The following ANKRA2 variants were observed in gnomAD, a reference collection of about 807,000 sequenced individuals.
The protein encoded by ANKRA2 is ankyrin repeat family A protein 2.
A neutral mutation model predicts 37.8 loss-of-function variants in ANKRA2; 33 were observed. That is an observed-to-expected ratio of 0.87 (90% CI 0.66 to 1.17). The LOEUF (loss-of-function observed/expected upper bound fraction) is 1.17, where lower values mean the gene tolerates loss of function less well. Among genes scored for constraint, ANKRA2 ranks in the 50% most tolerant of loss-of-function variants. The pLI is 0.00. For missense variants in ANKRA2, 326 were observed against 373.7 expected (o/e 0.87, Z 1.05); for synonymous variants, 126 against 132.3 (o/e 0.95, Z 0.33).
intron 6 of ANKRA2, 115 bp downstream of exon 6, chr5:73,554,746 G>A: frequency 7.9e-7 from 1 of 1,273,774 alleles, no homozygotes; most frequent in South Asian, 1.4e-5. Flanking sequence ...GACTACAGGT[G>A]TACACCACGA....
At chr5:73,563,203 T>G (rs1173213788) in intron 1 of ANKRA2, among the ~76,000 whole-genome samples, 1 of 152,220 alleles carries the variant, frequency 6.6e-6, no homozygotes, top group Non-Finnish European at 1.5e-5. Context: ...CCCTCTGAGC[T>G]TCCGTGTCAT....
chr5:73,562,211 C>A (rs1299954438), intron 2 of ANKRA2, among the ~76,000 whole-genome samples: 1 of 151,878 alleles, frequency 6.6e-6, no homozygotes, highest in East Asian at 1.9e-4. Flanking sequence ...GAGACGAGGT[C>A]TCATCATGTT....
intron 7 of ANKRA2, among the ~76,000 whole-genome samples, chr5:73,553,908 C>T (rs572284381): frequency 8.6e-5 from 13 of 152,006 alleles, no homozygotes; most frequent in African/African-American, 2.9e-4. Flanking sequence ...CTGAGTAGCT[C>T]GGATTACAGG....
intron 3 of ANKRA2, among the ~76,000 whole-genome samples, chr5:73,558,781 C>G (rs924351170): frequency 6.6e-6 from 1 of 152,188 alleles, no homozygotes; most frequent in African/African-American, 2.4e-5. Flanking sequence ...GATCCGCCAG[C>G]CTCAGCCTCC....
chr5:73,563,683 G>A (rs1449189079), intron 1 of ANKRA2, among the ~76,000 whole-genome samples: 1 of 152,132 alleles, frequency 6.6e-6, no homozygotes, highest in African/African-American at 2.4e-5. Context: ...ATGTATAGTT[G>A]TCTTAGATAC....
chr5:73,558,100 G>A (rs1346682387), intron 3 of ANKRA2, among the ~76,000 whole-genome samples: 3 of 151,840 alleles, frequency 2.0e-5, no homozygotes, highest in Non-Finnish European at 4.4e-5. Flanking sequence ...TACTCATTCT[G>A]TATCTGAGAA....
rs1747275495 is a variant in ANKRA2 at position 73,552,313 on chromosome 5, C to T, written c.*484G>A. On this transcript the variant is annotated 3_prime_UTR_variant, in exon 9 of 9. Coordinates refer to ENST00000296785, the MANE Select transcript of ANKRA2 (RefSeq NM_023039.5). The stretch of plus-strand genomic sequence containing the variant: ...AAGAAATCTTTAATAATCTTATATA[C>T]TTAAAAAAGTAGTATGCAAACTGAC... The T allele has an allele frequency of 6.5e-6, 1 of 152,802 alleles. No individual in the cohort carries two copies. Among genetic ancestry groups the T allele is most frequent in the African/African-American group, 2.4e-5 (1 of 41,380 alleles). 9.5% of individuals were successfully genotyped at this position (152,802 alleles called of 1,614,324 possible).
chr5:73,554,493 A>C (rs1488363850), intron 6 of ANKRA2, 105 bp from the exon 7 acceptor site: 2 of 742,566 alleles, frequency 2.7e-6, no homozygotes, highest in East Asian at 2.8e-5. Context: ...TAATCATTTA[A>C]AGTAATTTTA....
At chr5:73,553,308 T>G in intron 8 of ANKRA2, 98 bp downstream of exon 8, 1 of 860,538 alleles carries the variant, frequency 1.2e-6, no homozygotes, top group Non-Finnish European at 1.8e-6. Flanking sequence ...TGGGATAACA[T>G]GTTTTAGGAT....
intron 5 of ANKRA2, 96 bp from the exon 6 acceptor site, chr5:73,555,082 G>A (rs563334606): frequency 6.6e-7 from 1 of 1,514,986 alleles, no homozygotes; most frequent in African/African-American, 1.4e-5. Context: ...CACTAGGCCT[G>A]GTAATGTTCT....
In ANKRA2 at chr5:73,565,506, T is replaced by C. The variant is rs868230637; in HGVS notation, c.-479A>G. The C allele has an allele frequency of 4.8e-5, 12 of 247,746 alleles. No individual in the cohort carries two copies. The highest frequency in any genetic ancestry group is 6.8e-5 in the African/African-American group (3 of 43,904). The allele number at this position is 247,746 out of a possible 1,614,324, so 15.3% of individuals were successfully genotyped here. A position where few individuals can be genotyped will look rare whatever the true frequency, so the allele number is the denominator to read the frequency against. On this transcript the variant is annotated 5_prime_UTR_variant, in exon 1 of 9. Coordinates refer to ENST00000296785, the MANE Select transcript of ANKRA2 (RefSeq NM_023039.5). Reference sequence around the variant, plus strand: ...GCAGCTGAAACTTTCGGGTTTTCTTTTTTTTGTCCCTCTCTCCTTTTTTTT... The same window carrying C: ...GCAGCTGAAACTTTCGGGTTTTCTTCTTTTTGTCCCTCTCTCCTTTTTTTT...
At chr5:73,559,686 T>C (rs1294356677) in intron 3 of ANKRA2, among the ~76,000 whole-genome samples, 1 of 152,186 alleles carries the variant, frequency 6.6e-6, no homozygotes, top group Non-Finnish European at 1.5e-5. Context: ...ACAGTAAAAC[T>C]TTTAAGTTTT....
intron 3 of ANKRA2, among the ~76,000 whole-genome samples, chr5:73,559,908 G>A (rs1286203508): frequency 6.6e-6 from 1 of 151,938 alleles, no homozygotes; most frequent in African/African-American, 2.4e-5. Context: ...ACAGGTGTTT[G>A]CCACCACACC....
chr5:73,554,215 G>T, intron 7 of ANKRA2, 107 bp downstream of exon 7: 2 of 995,966 alleles, frequency 2.0e-6, no homozygotes, highest in Non-Finnish European at 3.0e-6. Context: ...CAAGATTCAT[G>T]TATTTAACAA....
chr5:73,561,392 A>G, intron 2 of ANKRA2, 104 bp from the exon 3 acceptor site: 1 of 1,085,216 alleles, frequency 9.2e-7, no homozygotes, highest in Non-Finnish European at 1.3e-6. Flanking sequence ...AGCTTCAATT[A>G]AACTATTTAT....
chr5:73,562,961 T>C lies in ANKRA2; in HGVS notation c.-80A>G, dbSNP rs1397359032. 6.2e-6 allele frequency: 8 copies of C among 1,281,592 alleles called. No individual in the cohort carries two copies. Among genetic ancestry groups the C allele is most frequent in the Middle Eastern group, 3.9e-4 (2 of 5,136 alleles). 79.4% of individuals were successfully genotyped at this position (1,281,592 alleles called of 1,614,324 possible). ...TTTGTAAGAGCAGTATCCAGTGTGT[T>C]CTTGGAATCTGGATATTTAAAAATC... On this transcript the variant is annotated 5_prime_UTR_variant, in exon 2 of 9. Coordinates refer to ENST00000296785, the MANE Select transcript of ANKRA2 (RefSeq NM_023039.5).
intron 4 of ANKRA2, 133 bp downstream of exon 4, chr5:73,557,442 T>G: frequency 5.6e-6 from 2 of 357,904 alleles, no homozygotes; most frequent in East Asian, 4.4e-5. Flanking sequence ...TTACTATCCA[T>G]TGGGTTATCT....
At chr5:73,557,667 T>C (rs1382459600) in intron 3 of ANKRA2, 27 bp from the exon 4 acceptor site, 1 of 1,564,588 alleles carries the variant, frequency 6.4e-7, no homozygotes, top group Non-Finnish European at 8.8e-7. Context: ...AAATGCTTCA[T>C]GAATTATCTA....
chr5:73,553,277 T>C, intron 8 of ANKRA2, 129 bp downstream of exon 8: 1 of 679,092 alleles, frequency 1.5e-6, no homozygotes. Flanking sequence ...TTTCCCAAAG[T>C]TAAAAGTATA....
Sources: allele counts gnomAD v4.1 joint callset (sites outside exome capture counted in the v4.1 genomes callset), GRCh38; gene constraint gnomAD v4.1.1; transcripts MANE v1.5; gene names NCBI Gene and HGNC (gene_info 2026-07-23, HGNC 2026-07-21).